The following CAMKMT variants were observed in gnomAD, a reference collection of about 807,000 sequenced individuals.
The protein encoded by CAMKMT is calmodulin-lysine N-methyltransferase.
In CAMKMT, 53 loss-of-function variants were observed where a neutral mutation model predicts 48.0. The ratio of observed to expected loss-of-function variants is 1.10; its 90% confidence interval spans 0.89 to 1.39. The LOEUF (loss-of-function observed/expected upper bound fraction) is 1.39. Among genes scored for constraint, CAMKMT ranks in the 40% most tolerant of loss-of-function variants. CAMKMT has a pLI of 0.00. For synonymous variants in CAMKMT, 165 were observed against 152.3 expected (o/e 1.08, Z -0.61); for missense variants, 428 against 402.7 (o/e 1.06, Z -0.54).
At chr2:44,755,633 G>T (rs561881607) in intron 9 of CAMKMT, among the ~76,000 whole-genome samples, 34 of 152,104 alleles carry the variant, frequency 2.2e-4, no homozygotes, top group African/African-American at 8.2e-4. Context: ...TAAATCATTC[G>T]CATGATTTAC....
At chr2:44,744,297 A>G (rs945139916) in intron 8 of CAMKMT, among the ~76,000 whole-genome samples, 2 of 152,118 alleles carry the variant, frequency 1.3e-5, no homozygotes, top group Non-Finnish European at 2.9e-5. Context: ...TAACATGACA[A>G]TCTCTGTCAG....
At chr2:44,738,875 C>A (rs1679508561) in intron 7 of CAMKMT, among the ~76,000 whole-genome samples, 1 of 152,118 alleles carries the variant, frequency 6.6e-6, no homozygotes, top group Non-Finnish European at 1.5e-5. Context: ...ACACAAAGAC[C>A]TGAAGGAGGT....
At chr2:44,516,978 A>G (rs1670862953) in intron 3 of CAMKMT, among the ~76,000 whole-genome samples, 2 of 152,078 alleles carry the variant, frequency 1.3e-5, no homozygotes, top group Non-Finnish European at 1.5e-5. Context: ...CTGACCTCAA[A>G]TGATCCACCT....
At chr2:44,521,398 C>T (rs899515223) in intron 3 of CAMKMT, among the ~76,000 whole-genome samples, 8 of 152,084 alleles carry the variant, frequency 5.3e-5, no homozygotes, top group African/African-American at 1.9e-4. Flanking sequence ...TGTGCCTCAG[C>T]TTCCCGAGTA....
intron 3 of CAMKMT, among the ~76,000 whole-genome samples, chr2:44,602,827 A>C (rs1158822257): frequency 2.0e-5 from 3 of 152,066 alleles, no homozygotes; most frequent in Admixed American, 6.6e-5. Context: ...CTCCCCTGAC[A>C]CCTGGGGATT....
At chr2:44,624,231 A>G (rs1672351353) in intron 3 of CAMKMT, among the ~76,000 whole-genome samples, 2 of 152,190 alleles carry the variant, frequency 1.3e-5, no homozygotes, top group Non-Finnish European at 2.9e-5. Context: ...TTTGTGCACA[A>G]GATTTTTTGT....
intron 3 of CAMKMT, among the ~76,000 whole-genome samples, chr2:44,673,448 A>C (rs1159019878): frequency 2.1e-5 from 3 of 143,138 alleles, no homozygotes; most frequent in Non-Finnish European, 4.5e-5. Flanking sequence ...AAAAAGAGAG[A>C]GAGAAAGAGA....
At chr2:44,768,581 C>A (rs1680961310) in intron 10 of CAMKMT, among the ~76,000 whole-genome samples, 1 of 151,950 alleles carries the variant, frequency 6.6e-6, no homozygotes, top group East Asian at 1.9e-4. Context: ...CGGGCAGCGC[C>A]GCTGCTCCTC....
chr2:44,712,553 A>G (rs1353811330), intron 6 of CAMKMT, among the ~76,000 whole-genome samples: 1 of 152,164 alleles, frequency 6.6e-6, no homozygotes, highest in Non-Finnish European at 1.5e-5. Context: ...AAGAAAACCT[A>G]GAGTTAGAAT....
intron 3 of CAMKMT, among the ~76,000 whole-genome samples, chr2:44,548,966 T>A (rs1054198421): frequency 5.9e-5 from 9 of 152,198 alleles, no homozygotes; most frequent in African/African-American, 2.4e-5. Flanking sequence ...TGTGAACTGA[T>A]AAATGAGTGA....
chr2:44,583,964 C>T (rs773308272), intron 3 of CAMKMT, among the ~76,000 whole-genome samples: 1 of 152,104 alleles, frequency 6.6e-6, no homozygotes. Flanking sequence ...ACATATATAA[C>T]TGTATACATA....
intron 3 of CAMKMT, among the ~76,000 whole-genome samples, chr2:44,501,670 A>G (rs1220079748): frequency 2.0e-5 from 3 of 152,190 alleles, no homozygotes; most frequent in Non-Finnish European, 4.4e-5. Context: ...GGGTCTACTC[A>G]GGAAATATTT....
chr2:44,498,765 G>T (rs981812463), intron 3 of CAMKMT, among the ~76,000 whole-genome samples: 1 of 152,218 alleles, frequency 6.6e-6, no homozygotes, highest in Non-Finnish European at 1.5e-5. Context: ...AATGAAAACA[G>T]TGCTTGTTTG....
At chr2:44,699,381 C>T (rs1677138186) in intron 3 of CAMKMT, among the ~76,000 whole-genome samples, 1 of 152,208 alleles carries the variant, frequency 6.6e-6, no homozygotes, top group Non-Finnish European at 1.5e-5. Flanking sequence ...CATTAATCTC[C>T]TTGCATATCT....
chr2:44,441,903 G>T (rs1178532025), intron 3 of CAMKMT, among the ~76,000 whole-genome samples: 2 of 152,076 alleles, frequency 1.3e-5, no homozygotes, highest in African/African-American at 4.8e-5. Flanking sequence ...GACTTCTAAG[G>T]CTTAAGCTTT....
At chr2:44,460,737 T>C (rs1054661232) in intron 3 of CAMKMT, among the ~76,000 whole-genome samples, 7 of 149,090 alleles carry the variant, frequency 4.7e-5, no homozygotes, top group Admixed American at 1.3e-4. Context: ...TTTTTTTTTT[T>C]TGAGACAGAG....
rs149737857 is a variant in CAMKMT at position 44,733,172 on chromosome 2, C to G, written c.624-10450C>G. On this transcript the variant is annotated intron_variant, in intron 7 of 10. Coordinates refer to ENST00000378494, the MANE Select transcript of CAMKMT (RefSeq NM_024766.5). Reference sequence around the variant, plus strand: ...CTCAATTGTTAAAACATCATTTCATCCTTTGCTCACCAAATTGCCTCCATT... The same window carrying G: ...CTCAATTGTTAAAACATCATTTCATGCTTTGCTCACCAAATTGCCTCCATT... Among the ~76,000 whole-genome samples the G allele has an allele frequency of 9.2e-5, 14 of 152,290 alleles. No homozygotes were observed. The East Asian group carries it at 2.5e-3, about 27-fold the overall frequency.
At chr2:44,706,064 C>T (rs1677539893) in intron 4 of CAMKMT, among the ~76,000 whole-genome samples, 1 of 152,110 alleles carries the variant, frequency 6.6e-6, no homozygotes, top group Admixed American at 6.6e-5. Flanking sequence ...TTGCAGTGAA[C>T]ACTAATGAGG....
intron 6 of CAMKMT, among the ~76,000 whole-genome samples, chr2:44,713,124 A>T (rs1677973733): frequency 6.6e-6 from 1 of 152,146 alleles, no homozygotes; most frequent in South Asian, 2.1e-4. Flanking sequence ...CTTCAGCCTG[A>T]CCACCTGGAG....
Sources: allele counts gnomAD v4.1 joint callset (sites outside exome capture counted in the v4.1 genomes callset), GRCh38; gene constraint gnomAD v4.1.1; transcripts MANE v1.5; gene names NCBI Gene and HGNC (gene_info 2026-07-23, HGNC 2026-07-21).